GPR161: variants seen among roughly 807,000 people sequenced by gnomAD.
GPR161 encodes the protein G protein-coupled receptor 161, also known as G-protein coupled receptor RE2.
GPR161 carries 25 observed loss-of-function variants against 39.2 expected under a neutral mutation model. That is an observed-to-expected ratio of 0.64 (90% confidence interval 0.47 to 0.89). The LOEUF is 0.89. Among genes scored for constraint, GPR161 ranks in the 40% least tolerant of loss-of-function variants. The pLI, the probability that GPR161 is intolerant of heterozygous loss-of-function variation, is 0.00. For missense variants in GPR161, 547 were observed against 677.8 expected (o/e 0.81, Z 2.14); for synonymous variants, 286 against 276.6 (o/e 1.03, Z -0.34).
intron 1 of GPR161, chr1:168,136,200 C>T: frequency 7.8e-7 from 1 of 1,277,238 alleles, no homozygotes; most frequent in Non-Finnish European, 9.9e-7. Flanking sequence ...CCACCCGCCG[C>T]CCGCCCAGGC....
chr1:168,095,003 G>A (rs996092510), intron 3 of GPR161, among the ~76,000 whole-genome samples: 1 of 152,182 alleles, frequency 6.6e-6, no homozygotes, highest in Admixed American at 6.5e-5. Flanking sequence ...CACCTTAACC[G>A]AGAGATCAAG....
chr1:168,095,349 C>T (rs1476779890), intron 3 of GPR161, among the ~76,000 whole-genome samples: 3 of 152,180 alleles, frequency 2.0e-5, no homozygotes, highest in African/African-American at 7.2e-5. Flanking sequence ...TGGCACTGCC[C>T]CAGTGTTAAC....
intron 5 of GPR161, among the ~76,000 whole-genome samples, chr1:168,086,567 C>A (rs898302216): frequency 7.9e-5 from 12 of 152,190 alleles, no homozygotes; most frequent in African/African-American, 2.4e-4. Flanking sequence ...CAGGGGAGGA[C>A]CCCCTGGCAG....
intron 1 of GPR161, among the ~76,000 whole-genome samples, chr1:168,135,802 T>TCCAAAAC (rs1699310558): frequency 6.6e-6 from 1 of 152,220 alleles, no homozygotes; most frequent in African/African-American, 2.4e-5. Context: ...GAACTGAGGT[T>TCCAAAAC]CTTTCCCTCC....
At chr1:168,117,421 G>A (rs962938762) in intron 1 of GPR161, among the ~76,000 whole-genome samples, 4 of 152,118 alleles carry the variant, frequency 2.6e-5, no homozygotes, top group African/African-American at 9.7e-5. Flanking sequence ...TTAAGAGCAT[G>A]AGCTCTGGAA....
At chr1:168,100,869 A>G (rs976528611) in intron 2 of GPR161, among the ~76,000 whole-genome samples, 14 of 152,252 alleles carry the variant, frequency 9.2e-5, no homozygotes, top group Admixed American at 5.9e-4. Context: ...GAACTCCAGC[A>G]GCTTGGCAGC....
rs1695555239 is a variant in GPR161 at position 168,096,517 on chromosome 1, T to C, written c.1090A>G (p.Arg364Gly). The C allele has an allele frequency of 8.1e-6, 13 of 1,613,402 alleles. No individual in the cohort carries two copies. Among genetic ancestry groups the C allele is most frequent in the Non-Finnish European group, 1.1e-5 (13 of 1,179,574 alleles). The change falls in exon 3 of 6, where the codon AGG (arginine) becomes GGG (glycine). Residue 364 changes from arginine (R) to glycine (G), a missense_variant. By Grantham distance (125) the Arg-to-Gly change is moderately radical (BLOSUM62 -2). Coordinates refer to ENST00000682931, the MANE Select transcript of GPR161 (RefSeq NM_001375883.1). ...ACAATGCCCAAGTTACCTGTGATCC[T>C]GTTGGAAATGCTGAAGAGCCTGGAA... ...RTSRLFSISN[R>G]ITDLGLSPHL... is the part of the protein sequence containing the mutation.
intron 4 of GPR161, 66 bp downstream of exon 4, chr1:168,090,498 G>A (rs772415660): frequency 2.0e-5 from 18 of 915,908 alleles, no homozygotes; most frequent in Admixed American, 3.8e-5. Context: ...GGGGAAACGC[G>A]ACACGGGGGA....
chr1:168,123,585 T>G (rs1031735786), intron 1 of GPR161, among the ~76,000 whole-genome samples: 1 of 135,234 alleles, frequency 7.4e-6, no homozygotes, highest in East Asian at 1.9e-4. Flanking sequence ...CACACTTGTT[T>G]GCATGGAAGC....
At chr1:168,113,887 T>A (rs1374021968) in intron 1 of GPR161, among the ~76,000 whole-genome samples, 2 of 152,146 alleles carry the variant, frequency 1.3e-5, no homozygotes, top group Non-Finnish European at 2.9e-5. Context: ...CTAGGCTTAG[T>A]ACCTGGGTGA....
chr1:168,105,888 A>G (rs1696568243), intron 1 of GPR161, among the ~76,000 whole-genome samples: 1 of 152,260 alleles, frequency 6.6e-6, no homozygotes, highest in African/African-American at 2.4e-5. Context: ...AAAAGAAAGG[A>G]AAGATCGCTT....
chr1:168,135,054 C>T (rs1300181239), intron 1 of GPR161: 11 of 1,504,626 alleles, frequency 7.3e-6, no homozygotes, highest in African/African-American at 5.5e-5. Flanking sequence ...ACAAAGAGAA[C>T]GGTTCGGATA....
Position 168,096,764 on chromosome 1 carries a change from G to A in GPR161, c.843C>T (p.Val281=). 3 of 1,614,092 alleles carry A rather than the reference G, an allele frequency of 1.9e-6. No individual in the cohort carries two copies. The South Asian group carries it at 3.3e-5, about 18-fold the overall frequency. Residue 281 remains valine, a synonymous_variant, in exon 3 of 6, where the codon GTC becomes GTT. Coordinates refer to ENST00000682931, the MANE Select transcript of GPR161 (RefSeq NM_001375883.1). Reference sequence around the variant, plus strand: ...TGACAACCATGTAGGGGCCCCAGGTGACCATGAAGGCACCGAGGACCACCA... The same window carrying A: ...TGACAACCATGTAGGGGCCCCAGGTAACCATGAAGGCACCGAGGACCACCA... ...TILVVLGAFM[V]TWGPYMVVIA...
At position 168,096,993 on chromosome 1, in the gene GPR161, A is replaced by T. The variant is rs1219671097; in HGVS notation, c.614T>A (p.Leu205Gln). The change falls in exon 3 of 6, where the codon CTG (leucine) becomes CAG (glutamine). Residue 205 changes from leucine to glutamine, a missense_variant. Transcript: ENST00000682931. The stretch of plus-strand genomic sequence containing the variant: ...GCGGAAGATGAAGCCATAGCACACC[A>T]GCATGACCAGAAAGGGGAAGAGGGC... ...WCALFPFLVM[L>Q]VCYGFIFRVA... 6.2e-7 allele frequency: 1 copy of T among 1,614,046 alleles called. No homozygotes were observed. The highest frequency in any genetic ancestry group is 8.5e-7 in the Non-Finnish European group (1 of 1,180,042).
Position 168,080,589 on chromosome 1 carries a change from T to G in GPR161, c.*4942A>C, listed in dbSNP as rs1209910191. ...GTGGGTAGCATCCCTGCCCTGCCTC[T>G]TAGGGGCTTGGAGGATTAGGGATTC... On this transcript the variant is annotated 3_prime_UTR_variant, in exon 6 of 6. Transcript: ENST00000682931. 6.6e-6 allele frequency: 1 copy of G among 152,260 alleles called. No homozygotes were observed. The highest frequency in any genetic ancestry group is 1.9e-4 in the East Asian group (1 of 5,198). The allele number at this position is 152,260 out of a possible 1,614,324, so 9.4% of individuals were successfully genotyped here.
intron 1 of GPR161, among the ~76,000 whole-genome samples, chr1:168,119,995 G>C (rs571890584): frequency 1.3e-5 from 2 of 152,346 alleles, no homozygotes; most frequent in Non-Finnish European, 2.9e-5. Flanking sequence ...GTGCAGAAGG[G>C]AAATGTGGGG....
intron 1 of GPR161, among the ~76,000 whole-genome samples, chr1:168,130,059 C>T (rs1698871280): frequency 6.6e-6 from 1 of 152,206 alleles, no homozygotes; most frequent in African/African-American, 2.4e-5. Context: ...CCTGTCTCTC[C>T]GTCCTTTAGT....
rs1260123650 is a variant in GPR161 at position 168,096,982 on chromosome 1, C to T, written c.625G>A (p.Gly209Ser). 6.2e-7 allele frequency: 1 copy of T among 1,614,150 alleles called. No homozygotes were observed. The highest frequency in any genetic ancestry group is 8.5e-7 in the Non-Finnish European group (1 of 1,180,040). ...ACCCTGGCCACGCGGAAGATGAAGC[C>T]ATAGCACACCAGCATGACCAGAAAG... ...FPFLVMLVCY[G>S]FIFRVARVKA... Residue 209 changes from glycine to serine, a missense_variant, in exon 3 of 6, where the codon GGC becomes AGC. Gly to Ser is a moderately conservative substitution (Grantham distance 56, BLOSUM62 0). Transcript: ENST00000682931.
intron 1 of GPR161, among the ~76,000 whole-genome samples, chr1:168,118,157 A>G (rs1488790597): frequency 6.6e-6 from 1 of 152,228 alleles, no homozygotes; most frequent in Non-Finnish European, 1.5e-5. Context: ...AAATTTTAAA[A>G]TTTTGTGAAT....
Sources: gnomAD v4.1 joint callset for allele counts (sites outside exome capture counted in the v4.1 genomes callset) on GRCh38, gnomAD v4.1.1 for gene constraint, MANE v1.5 for transcripts, NCBI Gene and HGNC (gene_info 2026-07-23, HGNC 2026-07-21) for gene names.